Variants in ADAMTSL1 observed in about 807,000 individuals in gnomAD.
ADAMTSL1 encodes the protein ADAMTS-like protein 1.
In ADAMTSL1, 126 loss-of-function variants were observed where a neutral mutation model predicts 201.8. The ratio of observed to expected loss-of-function variants is 0.62; its 90% confidence interval spans 0.54 to 0.72. The LOEUF (loss-of-function observed/expected upper bound fraction) is 0.72, where lower values mean the gene tolerates loss of function less well. Ranked by LOEUF, ADAMTSL1 falls within the 30% of genes least tolerant of loss-of-function variation. The pLI is 0.00. For missense variants in ADAMTSL1, 2,679 were observed against 2,277.8 expected, an observed-to-expected ratio of 1.18 and a Z score of -3.59; for synonymous variants, 1,121 against 903.4, an observed-to-expected ratio of 1.24 and a Z score of -4.32.
chr9:18,642,100 G>A (rs1188387188), intron 7 of ADAMTSL1, among the ~76,000 whole-genome samples: 1 of 151,868 alleles, frequency 6.6e-6, no homozygotes, highest in Non-Finnish European at 1.5e-5. Flanking sequence ...TTCAGAAAGT[G>A]GAATAAACCA....
chr9:18,489,611 A>C (rs1250141081), intron 1 of ADAMTSL1, among the ~76,000 whole-genome samples: 1 of 152,264 alleles, frequency 6.6e-6, no homozygotes, highest in Non-Finnish European at 1.5e-5. Context: ...TTGAAGGGAC[A>C]AAATAAAACA....
intron 2 of ADAMTSL1, among the ~76,000 whole-genome samples, chr9:18,226,193 A>C (rs1830430213): frequency 6.6e-6 from 1 of 152,118 alleles, no homozygotes; most frequent in Non-Finnish European, 1.5e-5. Flanking sequence ...TTTTCAATTG[A>C]CAAAAAATAC....
chr9:18,633,850 C>CT (rs1235926600), intron 5 of ADAMTSL1, among the ~76,000 whole-genome samples: 1 of 151,908 alleles, frequency 6.6e-6, no homozygotes. Flanking sequence ...GCATATGATT[C>CT]TTTTTTCTCA....
intron 2 of ADAMTSL1, among the ~76,000 whole-genome samples, chr9:18,367,963 G>C (rs1045169391): frequency 1.6e-4 from 25 of 152,046 alleles, no homozygotes; most frequent in African/African-American, 6.0e-4. Flanking sequence ...GCAGTGGCGC[G>C]ATCTCGGCTC....
intron 4 of ADAMTSL1, among the ~76,000 whole-genome samples, chr9:18,604,741 G>T (rs1321326656): frequency 8.5e-5 from 13 of 152,182 alleles, no homozygotes. Context: ...GTATGTTCAA[G>T]TCCTTGTCTG....
At chr9:18,592,234 C>G (rs756905962) in intron 4 of ADAMTSL1, among the ~76,000 whole-genome samples, 4 of 152,048 alleles carry the variant, frequency 2.6e-5, no homozygotes, top group Non-Finnish European at 5.9e-5. Flanking sequence ...ATCTCTTGGT[C>G]AAACCACTGA....
At chr9:18,375,381 A>T (rs187543936) in intron 2 of ADAMTSL1, among the ~76,000 whole-genome samples, 1 of 152,144 alleles carries the variant, frequency 6.6e-6, no homozygotes, top group Non-Finnish European at 1.5e-5. Context: ...TCTAGGGTAC[A>T]TGTGCACAAC....
chr9:18,106,395 G>A (rs1026323694), intron 1 of ADAMTSL1, among the ~76,000 whole-genome samples: 3 of 152,194 alleles, frequency 2.0e-5, no homozygotes, highest in Non-Finnish European at 4.4e-5. Flanking sequence ...GCTGCAAAGA[G>A]AGAGCTTTGT....
chr9:18,403,323 A>T (rs1818059434), intron 2 of ADAMTSL1, among the ~76,000 whole-genome samples: 1 of 151,962 alleles, frequency 6.6e-6, no homozygotes, highest in Admixed American at 6.6e-5. Flanking sequence ...AGCTGGGATC[A>T]CAGGCACACA....
In ADAMTSL1 at chr9:18,810,426, A is replaced by T. The variant is rs76481599; in HGVS notation, c.3806-6683A>T. Among the ~76,000 whole-genome samples the T allele has an allele frequency of 4.7e-3, 714 of 152,358 alleles. 10 individuals are homozygous for T. The highest frequency in any genetic ancestry group is 0.017 in the African/African-American group (692 of 41,588). On this transcript the variant is annotated intron_variant, in intron 20 of 28. Coordinates refer to ENST00000380548, the MANE Select transcript of ADAMTSL1 (RefSeq NM_001040272.6). ...TATGAGGCTGTGGGACGGTACAAACAGGAATACAGGATAAATAGATGTGGG... is the reference window on the plus strand; with the variant it reads ...TATGAGGCTGTGGGACGGTACAAACTGGAATACAGGATAAATAGATGTGGG...
At chr9:18,894,621 A>G (rs1829503215) in intron 26 of ADAMTSL1, among the ~76,000 whole-genome samples, 1 of 152,056 alleles carries the variant, frequency 6.6e-6, no homozygotes, top group Non-Finnish European at 1.5e-5. Context: ...GGAATACAGA[A>G]AAAAAAGAGG....
intron 2 of ADAMTSL1, 54 bp from the exon 3 acceptor site, chr9:18,533,193 T>C (rs1819549063): frequency 6.7e-7 from 1 of 1,494,562 alleles, no homozygotes; most frequent in African/African-American, 1.4e-5. Context: ...AAAATATTTC[T>C]GATTTTGAGC....
intron 4 of ADAMTSL1, among the ~76,000 whole-genome samples, chr9:18,600,614 G>A (rs958653408): frequency 1.3e-5 from 2 of 152,158 alleles, no homozygotes; most frequent in Non-Finnish European, 2.9e-5. Context: ...GATTATCACT[G>A]GTGGGGCTCC....
chr9:18,582,398 G>C (rs1462972934), intron 4 of ADAMTSL1, among the ~76,000 whole-genome samples: 3 of 152,200 alleles, frequency 2.0e-5, no homozygotes, highest in Non-Finnish European at 4.4e-5. Flanking sequence ...TGGTTTGGCT[G>C]TGTTCTGACC....
intron 12 of ADAMTSL1, among the ~76,000 whole-genome samples, chr9:18,684,506 A>G (rs188646156): frequency 3.3e-5 from 5 of 152,360 alleles, no homozygotes; most frequent in Admixed American, 6.5e-5. Context: ...TAATAAAGAG[A>G]AAGCTTGCAC....
In ADAMTSL1 at chr9:18,776,929, G is replaced by A. The variant is rs369640801; in HGVS notation, c.2700G>A (p.Pro900=). ...AGACGGCGGTGGTGCTGCGCTGCCC[G>A]GCGCGCAGGGTCCGCAAGCCCCTCA... ...LPKTAVVLRC[P]ARRVRKPLIT... Residue 900 remains proline, a synonymous_variant, in exon 19 of 29, where the codon CCG becomes CCA. Transcript: ENST00000380548. 3.1e-6 allele frequency: 5 copies of A among 1,602,764 alleles called. No homozygotes were observed. The highest frequency in any genetic ancestry group is 4.3e-6 in the Non-Finnish European group (5 of 1,175,016).
At chr9:18,463,316 A>G (rs1047243961) in intron 2 of ADAMTSL1, among the ~76,000 whole-genome samples, 1 of 146,028 alleles carries the variant, frequency 6.8e-6, no homozygotes, top group African/African-American at 2.7e-5. Flanking sequence ...TTGCTTTTAC[A>G]TAAGTAAATT....
intron 1 of ADAMTSL1, among the ~76,000 whole-genome samples, chr9:18,068,237 T>C (rs1449362133): frequency 1.3e-5 from 2 of 152,132 alleles, no homozygotes; most frequent in African/African-American, 4.8e-5. Flanking sequence ...GCCCTCCATA[T>C]CTGTATGTTA....
intron 1 of ADAMTSL1, among the ~76,000 whole-genome samples, chr9:18,049,777 C>G (rs1821845880): frequency 6.6e-6 from 1 of 152,176 alleles, no homozygotes; most frequent in African/African-American, 2.4e-5. Context: ...GCGCCCACCA[C>G]TGCGCCCAGC....
Sources: gnomAD v4.1 joint callset for allele counts (sites outside exome capture counted in the v4.1 genomes callset) on GRCh38, gnomAD v4.1.1 for gene constraint, MANE v1.5 for transcripts, NCBI Gene and HGNC (gene_info 2026-07-23, HGNC 2026-07-21) for gene names.